MGAT4C: variants seen among roughly 807,000 people sequenced by gnomAD.
The protein encoded by MGAT4C is MGAT4 family member C, also known as alpha-1,3-mannosyl-glycoprotein 4-beta-N-acetylglucosaminyltransferase C.
MGAT4C carries 19 observed loss-of-function variants against 40.1 expected under a neutral mutation model. The ratio of observed to expected loss-of-function variants is 0.47; its 90% CI spans 0.33 to 0.70. The LOEUF is 0.70. Ranked by LOEUF, MGAT4C falls within the 30% of genes least tolerant of loss-of-function variation. The probability of loss-of-function intolerance (pLI) is 0.02; values close to 1 mark genes in which losing one functional copy is unlikely to be tolerated. For synonymous variants in MGAT4C, 181 were observed against 187.1 expected, an observed-to-expected ratio of 0.97 and a Z score of 0.27; for missense variants, 491 against 563.2, an observed-to-expected ratio of 0.87 and a Z score of 1.30.
intron 1 of MGAT4C, among the ~76,000 whole-genome samples, chr12:86,211,587 A>AAAACAAAC (rs202003594): frequency 6.6e-4 from 100 of 151,320 alleles, no homozygotes; most frequent in African/African-American, 2.2e-3. Flanking sequence ...ACTCCCTCTC[A>AAAACAAAC]AAACAAACAA....
At chr12:86,388,689 T>G (rs899963017) in intron 3 of MGAT4C, among the ~76,000 whole-genome samples, 16 of 148,620 alleles carry the variant, frequency 1.1e-4, no homozygotes, top group African/African-American at 2.0e-4. Context: ...TTTTTTTTTT[T>G]TTTTTTTTTT....
intron 2 of MGAT4C, among the ~76,000 whole-genome samples, chr12:86,553,224 T>G: frequency 6.6e-6 from 1 of 152,284 alleles, no homozygotes; most frequent in South Asian, 2.1e-4. Flanking sequence ...CAGAAAATTC[T>G]ATTAATTCTA....
chr12:86,410,181 T>C (rs1283937778), intron 3 of MGAT4C, among the ~76,000 whole-genome samples: 3 of 151,932 alleles, frequency 2.0e-5, no homozygotes, highest in Admixed American at 2.0e-4. Flanking sequence ...CTTAAACAAC[T>C]GAAAACAGGG....
At chr12:86,018,000 T>C (rs1889265817) in intron 2 of MGAT4C, among the ~76,000 whole-genome samples, 1 of 152,164 alleles carries the variant, frequency 6.6e-6, no homozygotes, top group Non-Finnish European at 1.5e-5. Context: ...GACAAGTGAA[T>C]TATTACACTG....
chr12:86,542,873 C>G (rs981557647), intron 2 of MGAT4C, among the ~76,000 whole-genome samples: 1 of 152,110 alleles, frequency 6.6e-6, no homozygotes, highest in African/African-American at 2.4e-5. Context: ...TCCCAACTTG[C>G]GCTTTGCCTT....
chr12:86,057,816 C>A (rs951536096), intron 1 of MGAT4C, among the ~76,000 whole-genome samples: 6 of 152,174 alleles, frequency 3.9e-5, no homozygotes, highest in Admixed American at 1.3e-4. Flanking sequence ...GATTTTCCCA[C>A]TAATTGGAGC....
At chr12:86,209,920 C>A (rs944393647) in intron 1 of MGAT4C, among the ~76,000 whole-genome samples, 1 of 152,160 alleles carries the variant, frequency 6.6e-6, no homozygotes, top group African/African-American at 2.4e-5. Context: ...CATTTCTATG[C>A]TTTAAAAATA....
intron 1 of MGAT4C, among the ~76,000 whole-genome samples, chr12:86,170,814 A>G (rs1886744919): frequency 6.6e-6 from 1 of 152,002 alleles, no homozygotes; most frequent in South Asian, 2.1e-4. Flanking sequence ...ATAGCTGGGC[A>G]TGTTAGTGTG....
intron 2 of MGAT4C, among the ~76,000 whole-genome samples, chr12:86,529,044 C>T (rs1337511327): frequency 1.3e-5 from 2 of 151,924 alleles, no homozygotes; most frequent in Non-Finnish European, 2.9e-5. Flanking sequence ...TTGACACAGA[C>T]AACCAGATAG....
chr12:86,261,959 A>T (rs1233614593), intron 4 of MGAT4C, among the ~76,000 whole-genome samples: 2 of 152,022 alleles, frequency 1.3e-5, no homozygotes, highest in Non-Finnish European at 2.9e-5. Flanking sequence ...AATTTTTTGA[A>T]TTTTTGCAAT....
chr12:86,195,928 T>C (rs1298007656), intron 1 of MGAT4C, among the ~76,000 whole-genome samples: 4 of 151,176 alleles, frequency 2.6e-5, no homozygotes, highest in Admixed American at 6.5e-5. Flanking sequence ...ATTATTCCCA[T>C]ATTATATGTA....
intron 2 of MGAT4C, among the ~76,000 whole-genome samples, chr12:86,012,324 T>G (rs2136823348): frequency 6.6e-6 from 1 of 152,334 alleles, no homozygotes; most frequent in Non-Finnish European, 1.5e-5. Context: ...AGAACACAGT[T>G]ATGGAAGCAA....
At chr12:86,456,713 G>A (rs1957516208) in intron 2 of MGAT4C, among the ~76,000 whole-genome samples, 1 of 151,886 alleles carries the variant, frequency 6.6e-6, no homozygotes, top group Non-Finnish European at 1.5e-5. Context: ...CTGAAAAGGG[G>A]GCAAATTTAT....
chr12:86,446,075 G>GTA (rs954742247), intron 2 of MGAT4C, among the ~76,000 whole-genome samples: 5 of 151,688 alleles, frequency 3.3e-5, no homozygotes, highest in African/African-American at 7.3e-5. Flanking sequence ...GTGTGTGTCT[G>GTA]TATATATATA....
At chr12:86,203,380 A>C (rs1950122716) in intron 1 of MGAT4C, among the ~76,000 whole-genome samples, 1 of 152,160 alleles carries the variant, frequency 6.6e-6, no homozygotes. Context: ...TGAGCTGAAC[A>C]GGAGCTATTG....
intron 2 of MGAT4C, among the ~76,000 whole-genome samples, chr12:86,522,032 A>G (rs545724516): frequency 2.3e-4 from 35 of 152,302 alleles, no homozygotes; most frequent in African/African-American, 8.4e-4. Flanking sequence ...TAGACAAAGC[A>G]TCATGTCATC....
At chr12:86,457,136 A>G (rs1957522584) in intron 2 of MGAT4C, among the ~76,000 whole-genome samples, 1 of 152,166 alleles carries the variant, frequency 6.6e-6, no homozygotes, top group South Asian at 2.1e-4. Context: ...ACATTCAGAC[A>G]AGATTTATTT....
intron 3 of MGAT4C, among the ~76,000 whole-genome samples, chr12:86,390,323 C>T (rs1458619742): frequency 6.6e-6 from 1 of 152,048 alleles, no homozygotes; most frequent in Non-Finnish European, 1.5e-5. Flanking sequence ...TTGTTACGTA[C>T]CATAGTTAAG....
At chr12:86,433,400 G>A (rs1302213150) in intron 3 of MGAT4C, among the ~76,000 whole-genome samples, 2 of 151,478 alleles carry the variant, frequency 1.3e-5, no homozygotes, top group African/African-American at 4.8e-5. Flanking sequence ...TCTGAGATTC[G>A]CTTAAAAGTT....
Sources: allele counts gnomAD v4.1 joint callset (sites outside exome capture counted in the v4.1 genomes callset), GRCh38; gene constraint gnomAD v4.1.1; transcripts MANE v1.5; gene names NCBI Gene and HGNC (gene_info 2026-07-23, HGNC 2026-07-21).